Variants in SLC29A3 observed in about 807,000 individuals in gnomAD.
SLC29A3 encodes the protein equilibrative nucleoside transporter 3.
In SLC29A3, 18 loss-of-function variants were observed where a neutral mutation model predicts 25.4. The ratio of observed to expected loss-of-function variants is 0.71; its 90% CI spans 0.49 to 1.05. The LOEUF is 1.05. Ranked by LOEUF, SLC29A3 falls within the 50% of genes least tolerant of loss-of-function variation. The pLI, the probability that SLC29A3 is intolerant of heterozygous loss-of-function variation, is 0.00. For synonymous variants in SLC29A3, 258 were observed against 267.1 expected (o/e 0.97, Z 0.33); for missense variants, 586 against 609.0 (o/e 0.96, Z 0.40).
chr10:71,330,741 TTTACTAA>T (rs1846098604), intron 2 of SLC29A3, among the ~76,000 whole-genome samples: 1 of 152,246 alleles, frequency 6.6e-6, no homozygotes, highest in Non-Finnish European at 1.5e-5. Flanking sequence ...ATTCGCTGCC[TTTACTAA>T]GCTCTTACCA....
At chr10:71,342,598 G>A (rs1004166694) in intron 2 of SLC29A3, among the ~76,000 whole-genome samples, 37 of 152,208 alleles carry the variant, frequency 2.4e-4, no homozygotes, top group African/African-American at 8.7e-4. Context: ...GGATGAAGGG[G>A]CCTCACCGGG....
chr10:71,333,238 C>T (rs911117176), intron 2 of SLC29A3, among the ~76,000 whole-genome samples: 8 of 152,264 alleles, frequency 5.3e-5, no homozygotes, highest in South Asian at 2.1e-4. Context: ...TGGCCTCTTG[C>T]CGGTCCTCAC....
chr10:71,372,949 G>A (rs1243330083), intron 3 of SLC29A3, among the ~76,000 whole-genome samples: 3 of 152,162 alleles, frequency 2.0e-5, no homozygotes, highest in African/African-American at 7.2e-5. Context: ...TGAGGGGCAA[G>A]TCTCAAGGCA....
chr10:71,360,655 AC>A (rs1847032174), intron 5 of SLC29A3, among the ~76,000 whole-genome samples: 1 of 152,156 alleles, frequency 6.6e-6, no homozygotes, highest in Admixed American at 6.5e-5. Context: ...AAAGGTATAA[AC>A]CTTTTAATCC....
chr10:71,321,454 C>A (rs537866087), intron 1 of SLC29A3, among the ~76,000 whole-genome samples: 1 of 152,300 alleles, frequency 6.6e-6, no homozygotes, highest in East Asian at 1.9e-4. Context: ...TCTGAAGTGT[C>A]CCATCCTCAG....
exon 4 of SLC29A3, chr10:71,375,711 T>G (rs1469114612): frequency 1.3e-5 from 2 of 152,094 alleles, no homozygotes; most frequent in African/African-American, 4.8e-5. Context: ...AAATGGAGAA[T>G]CAGGCAGGAA....
rs115149528 is a variant in SLC29A3 at position 71,359,053 on chromosome 10, C to G, written c.773+2810C>G. Reference sequence around the variant, plus strand: ...CCTCCCGAGTAGCTGGGACAACAGGCATGGGCTGCCACGCCCAGCTAATTT... The same window carrying G: ...CCTCCCGAGTAGCTGGGACAACAGGGATGGGCTGCCACGCCCAGCTAATTT... On this transcript the variant is annotated intron_variant, in intron 5 of 5. Transcript: ENST00000373189. Among the ~76,000 whole-genome samples, 1,330 of 152,228 alleles carry G rather than the reference C, an allele frequency of 8.7e-3. 15 individuals carry two copies. Among genetic ancestry groups the G allele is most frequent in the African/African-American group, 0.03 (1,255 of 41,538 alleles).
At chr10:71,346,425 G>A (rs1360611872) in intron 3 of SLC29A3, among the ~76,000 whole-genome samples, 2 of 152,192 alleles carry the variant, frequency 1.3e-5, no homozygotes, top group African/African-American at 2.4e-5. Flanking sequence ...CAGGCGGAGT[G>A]CAGTGGCTCA....
chr10:71,346,426 C>T (rs1846583277), intron 3 of SLC29A3, among the ~76,000 whole-genome samples: 1 of 152,180 alleles, frequency 6.6e-6, no homozygotes, highest in African/African-American at 2.4e-5. Context: ...AGGCGGAGTG[C>T]AGTGGCTCAA....
chr10:71,353,351 A>T (rs935524341), intron 4 of SLC29A3, among the ~76,000 whole-genome samples: 1 of 152,220 alleles, frequency 6.6e-6, no homozygotes, highest in Non-Finnish European at 1.5e-5. Context: ...GGCAGTGGCC[A>T]CTGGACATGG....
At chr10:71,377,428 G>A (rs186926738) in intron 4 of SLC29A3, among the ~76,000 whole-genome samples, 5 of 152,334 alleles carry the variant, frequency 3.3e-5, no homozygotes, top group South Asian at 2.1e-4. Context: ...GGACTGGACC[G>A]CCCCCGCTGG....
rs770252032 is a variant in SLC29A3, at chr10:71,351,663, G to A, written c.485G>A (p.Arg162His). 28 of 1,614,060 alleles carry A rather than the reference G, an allele frequency of 1.7e-5. No individual in the cohort carries two copies. The highest frequency in any genetic ancestry group is 7.7e-5 in the South Asian group (7 of 91,090). ...LVKVDTSSWT[R>H]GFFAVTIVCM... The stretch of plus-strand genomic sequence containing the variant: ...AAGGTGGACACTTCCTCCTGGACCC[G>A]TGGCTTTTTTGCGGTCACCATTGTC... The change falls in exon 4 of 6, where the codon CGT (arginine) becomes CAT (histidine). Residue 162 changes from arginine (R) to histidine (H), a missense_variant. Physicochemically the swap from Arg to His is conservative, Grantham distance 29 (BLOSUM62 0). Coordinates refer to ENST00000373189, the MANE Select transcript of SLC29A3 (RefSeq NM_018344.6).
intron 1 of SLC29A3, chr10:71,319,531 T>C (rs1415981188): frequency 9.7e-6 from 4 of 412,780 alleles, no homozygotes; most frequent in Non-Finnish European, 1.3e-5. Flanking sequence ...CCAAATCCTC[T>C]CCCCTCCTCC....
chr10:71,325,958 C>T (rs990230982), intron 2 of SLC29A3, among the ~76,000 whole-genome samples: 3 of 149,420 alleles, frequency 2.0e-5, no homozygotes, highest in Admixed American at 6.7e-5. Context: ...GCACTGTCAC[C>T]CAGGCTGGAG....
At chr10:71,370,548 G>T (rs1847203425) in intron 3 of SLC29A3, among the ~76,000 whole-genome samples, 1 of 152,044 alleles carries the variant, frequency 6.6e-6, no homozygotes. Flanking sequence ...TTAAGAGATG[G>T]AGTCTTGCTA....
At chr10:71,377,591 G>T (rs1232715283) in intron 4 of SLC29A3, among the ~76,000 whole-genome samples, 1 of 152,220 alleles carries the variant, frequency 6.6e-6, no homozygotes, top group African/African-American at 2.4e-5. Flanking sequence ...CCAGTAGAGG[G>T]AGCGGAGCCA....
rs779240655 is a variant in SLC29A3, at chr10:71,362,254, T to A, written c.1074T>A (p.Ala358=). The A allele has an allele frequency of 4.3e-6, 7 of 1,614,054 alleles. No homozygotes were observed. The highest frequency in any genetic ancestry group is 3.3e-5 in the Admixed American group (2 of 60,010). The change falls in exon 6 of 6, where the codon GCT becomes GCA. Residue 358 remains alanine (A), a synonymous_variant. Coordinates refer to ENST00000373189, the MANE Select transcript of SLC29A3 (RefSeq NM_018344.6). ...PLTTFLLYNF[A]DLCGRQLTAW... ...CTACCTTCCTCCTGTACAACTTTGCTGACCTATGTGGCCGGCAGCTCACCG... is the reference window on the plus strand; with the variant it reads ...CTACCTTCCTCCTGTACAACTTTGCAGACCTATGTGGCCGGCAGCTCACCG...
At chr10:71,349,971 G>A (rs978383644) in intron 3 of SLC29A3, among the ~76,000 whole-genome samples, 1 of 152,204 alleles carries the variant, frequency 6.6e-6, no homozygotes, top group Non-Finnish European at 1.5e-5. Context: ...ATCTGTTGCT[G>A]GTCTGTCCCG....
downstream of SLC29A3, chr10:71,364,128 G>A (rs1315756067): frequency 6.6e-6 from 1 of 152,254 alleles, no homozygotes; most frequent in Non-Finnish European, 1.5e-5. Flanking sequence ...TTGGACTAAA[G>A]CCCAGCCAGC....
Sources: allele counts gnomAD v4.1 joint callset (sites outside exome capture counted in the v4.1 genomes callset), GRCh38; gene constraint gnomAD v4.1.1; transcripts MANE v1.5; gene names NCBI Gene and HGNC (gene_info 2026-07-23, HGNC 2026-07-21).